The following UBE2D1 variants were observed in gnomAD, a reference collection of about 807,000 sequenced individuals.
UBE2D1 encodes ubiquitin conjugating enzyme E2 D1, also known as ubiquitin-conjugating enzyme E2 D1.
Under a neutral mutation model 24.6 loss-of-function variants are expected in UBE2D1, and 9 were observed. The ratio of observed to expected loss-of-function variants is 0.37; its 90% CI spans 0.22 to 0.64. The LOEUF (loss-of-function observed/expected upper bound fraction) is 0.64, where lower values mean the gene tolerates loss of function less well. Ranked by LOEUF, UBE2D1 falls within the 30% of genes least tolerant of loss-of-function variation. The pLI, the probability that UBE2D1 is intolerant of heterozygous loss-of-function variation, is 0.64. For missense variants in UBE2D1, 87 were observed against 177.1 expected (o/e 0.49, Z 2.89); for synonymous variants, 57 against 57.6 (o/e 0.99, Z 0.04).
chr10:58,358,825 A>G (rs1347939800), intron 1 of UBE2D1, among the ~76,000 whole-genome samples: 2 of 151,172 alleles, frequency 1.3e-5, no homozygotes, highest in African/African-American at 2.4e-5. Context: ...CAGAGGCCCA[A>G]TCATAGTTTA....
intron 1 of UBE2D1, among the ~76,000 whole-genome samples, chr10:58,345,950 T>C (rs1323976949): frequency 1.3e-5 from 2 of 151,912 alleles, no homozygotes; most frequent in Non-Finnish European, 2.9e-5. Context: ...CTGAGAAATA[T>C]GTACTTAATG....
At chr10:58,349,334 C>G (rs1362093824) in intron 1 of UBE2D1, among the ~76,000 whole-genome samples, 3 of 151,956 alleles carry the variant, frequency 2.0e-5, no homozygotes, top group Non-Finnish European at 4.4e-5. Context: ...ATACTTTCAC[C>G]AGTTTGATGA....
At chr10:58,359,064 T>G (rs181063650) in intron 1 of UBE2D1, among the ~76,000 whole-genome samples, 23 of 150,464 alleles carry the variant, frequency 1.5e-4, no homozygotes, top group African/African-American at 5.6e-4. Context: ...CAAGGTATAC[T>G]GGAAAATAAC....
At chr10:58,358,075 A>T (rs1474375852) in intron 1 of UBE2D1, among the ~76,000 whole-genome samples, 1 of 152,160 alleles carries the variant, frequency 6.6e-6, no homozygotes, top group Non-Finnish European at 1.5e-5. Flanking sequence ...TTTGAAGAAC[A>T]GCCTGACATG....
At chr10:58,350,798 G>A (rs185624661) in intron 1 of UBE2D1, among the ~76,000 whole-genome samples, 163 of 152,204 alleles carry the variant, frequency 1.1e-3, no homozygotes, top group African/African-American at 3.9e-3. Context: ...GAAATGCATC[G>A]TTAGGCAATT....
chr10:58,363,418 A>G (rs1169798955), intron 3 of UBE2D1, among the ~76,000 whole-genome samples, 191 bp from the exon 4 acceptor site: 1 of 152,050 alleles, frequency 6.6e-6, no homozygotes, highest in Non-Finnish European at 1.5e-5. Context: ...CTGCAGAGAA[A>G]CCTGTTCTCA....
intron 1 of UBE2D1, among the ~76,000 whole-genome samples, chr10:58,359,615 CGTACATTT>C (rs1294915311): frequency 6.6e-6 from 1 of 152,180 alleles, no homozygotes; most frequent in Non-Finnish European, 1.5e-5. Flanking sequence ...CATCCACATT[CGTACATTT>C]GTGGAACTAA....
intron 1 of UBE2D1, chr10:58,360,996 T>C (rs1457941930): frequency 6.5e-6 from 3 of 460,454 alleles, no homozygotes; most frequent in Non-Finnish European, 1.2e-5. Flanking sequence ...TTGTAACCTG[T>C]TAAAATAGTA....
chr10:58,335,395 G>C (rs1272080658), intron 1 of UBE2D1, among the ~76,000 whole-genome samples, 170 bp downstream of exon 1: 1 of 152,236 alleles, frequency 6.6e-6, no homozygotes, highest in Non-Finnish European at 1.5e-5. Context: ...GGACAGGTGA[G>C]GTGGGAGCAG....
At chr10:58,356,986 T>C (rs1246297292) in intron 1 of UBE2D1, among the ~76,000 whole-genome samples, 1 of 152,150 alleles carries the variant, frequency 6.6e-6, no homozygotes, top group Non-Finnish European at 1.5e-5. Context: ...GAAATCGTTA[T>C]TGGGAGGCTA....
At chr10:58,360,310 G>T (rs544692454) in intron 1 of UBE2D1, among the ~76,000 whole-genome samples, 1 of 152,036 alleles carries the variant, frequency 6.6e-6, no homozygotes, top group South Asian at 2.1e-4. Context: ...CCTTTATATT[G>T]AATGTATGCC....
intron 3 of UBE2D1, among the ~76,000 whole-genome samples, chr10:58,362,216 C>G (rs11006120): frequency 0.29 from 44,797 of 152,004 alleles, 7,315 homozygotes; most frequent in Non-Finnish European, 0.38. Flanking sequence ...CAGCTCAAAT[C>G]TACTTTCTGG....
rs545988379 is a variant in UBE2D1 at position 58,338,476 on chromosome 10, G to T, written c.24+3251G>T. Among the ~76,000 whole-genome samples, 73 of 152,152 alleles carry T rather than the reference G, an allele frequency of 4.8e-4. No homozygotes were observed. The South Asian group carries it at 6.4e-3, about 13-fold the overall frequency. The stretch of plus-strand genomic sequence containing the variant: ...GAAAAAAAGTTTGAACAAAGTCTAA[G>T]GAAAGATACCTAAAACATGTCTGAA... On this transcript the variant is annotated intron_variant, in intron 1 of 6. Transcript: ENST00000373910.
At chr10:58,365,137 A>G (rs897704808) in intron 5 of UBE2D1, among the ~76,000 whole-genome samples, 2 of 152,164 alleles carry the variant, frequency 1.3e-5, no homozygotes, top group Non-Finnish European at 2.9e-5. Context: ...GGATAAACCT[A>G]TTGATATTTT....
intron 1 of UBE2D1, among the ~76,000 whole-genome samples, chr10:58,341,618 G>C (rs1341329544): frequency 1.3e-5 from 2 of 152,068 alleles, no homozygotes; most frequent in Middle Eastern, 3.2e-3. Context: ...TAAGAAGCCA[G>C]GCACATATGA....
chr10:58,348,810 TGG>T (rs992035071), intron 1 of UBE2D1, among the ~76,000 whole-genome samples: 5 of 152,234 alleles, frequency 3.3e-5, no homozygotes, highest in African/African-American at 1.2e-4. Flanking sequence ...GTTACCCTTC[TGG>T]GAGCCAGGAG....
In UBE2D1 at chr10:58,335,229, A is replaced by C; in HGVS notation, c.24+4A>C. On this transcript the variant is annotated splice_donor_region_variant and intron_variant, in intron 1 of 6. Coordinates refer to ENST00000373910, the MANE Select transcript of UBE2D1 (RefSeq NM_003338.5). ...GGCGCTGAAGAGGATTCAGAAAGTGAGTGCCGGGGCCGGGCCTGGGGCTGC... is the reference window on the plus strand; with the variant it reads ...GGCGCTGAAGAGGATTCAGAAAGTGCGTGCCGGGGCCGGGCCTGGGGCTGC... 6.5e-7 allele frequency: 1 copy of C among 1,541,568 alleles called. No homozygotes were observed. The highest frequency in any genetic ancestry group is 8.7e-7 in the Non-Finnish European group (1 of 1,146,268).
intron 1 of UBE2D1, among the ~76,000 whole-genome samples, chr10:58,355,235 G>A (rs1301121736): frequency 6.6e-6 from 1 of 152,196 alleles, no homozygotes; most frequent in Admixed American, 6.5e-5. Flanking sequence ...CACTGGGCAA[G>A]TTTGTGAAGG....
intron 3 of UBE2D1, among the ~76,000 whole-genome samples, chr10:58,362,102 T>C (rs992616144): frequency 3.3e-5 from 5 of 152,194 alleles, no homozygotes; most frequent in Non-Finnish European, 7.3e-5. Flanking sequence ...TTATTACTTT[T>C]GTTAAAATTA....
Sources: allele counts gnomAD v4.1 joint callset (sites outside exome capture counted in the v4.1 genomes callset), GRCh38; gene constraint gnomAD v4.1.1; transcripts MANE v1.5; gene names NCBI Gene and HGNC (gene_info 2026-07-23, HGNC 2026-07-21).